KCNN1: variants seen among roughly 807,000 people sequenced by gnomAD.
The protein encoded by KCNN1 is potassium calcium-activated channel subfamily N member 1, also known as small conductance calcium-activated potassium channel protein 1.
In KCNN1, 20 loss-of-function variants were observed where a neutral mutation model predicts 44.7. That is an observed-to-expected ratio of 0.45 (90% CI 0.32 to 0.65). The LOEUF is 0.65. Ranked by LOEUF, KCNN1 falls within the 30% of genes least tolerant of loss-of-function variation. The probability of loss-of-function intolerance (pLI) is 0.05; values close to 1 mark genes in which losing one functional copy is unlikely to be tolerated. For synonymous variants in KCNN1, 324 were observed against 341.7 expected, an observed-to-expected ratio of 0.95 and a Z score of 0.57; for missense variants, 632 against 785.3, an observed-to-expected ratio of 0.80 and a Z score of 2.33.
intron 3 of KCNN1, among the ~76,000 whole-genome samples, chr19:17,979,585 C>G (rs2145940110): frequency 6.6e-6 from 1 of 152,014 alleles, no homozygotes; most frequent in South Asian, 2.1e-4. Context: ...GCCTCCAGCT[C>G]CAATATGATT....
intron 3 of KCNN1, among the ~76,000 whole-genome samples, chr19:17,980,184 C>T (rs1182755414): frequency 1.3e-5 from 2 of 148,300 alleles, no homozygotes; most frequent in Admixed American, 6.8e-5. Flanking sequence ...GTGCGTCAGC[C>T]TCTCAAGGCT....
At chr19:17,988,552 C>A in intron 6 of KCNN1, 27 bp downstream of exon 6, 1 of 1,533,454 alleles carries the variant, frequency 6.5e-7, no homozygotes, top group East Asian at 2.3e-5. Flanking sequence ...CCATGGAGGC[C>A]GCCTCCTGGC....
rs1271360123 is a variant in KCNN1 at position 17,974,924 on chromosome 19, A to G, written c.403-168A>G. ...CCTGATAAGCTGTTTCACACACAGCAGCCCCAGGACTGGGGAACTAGCAGA... is the reference window on the plus strand; with the variant it reads ...CCTGATAAGCTGTTTCACACACAGCGGCCCCAGGACTGGGGAACTAGCAGA... On this transcript the variant is annotated intron_variant, in intron 2 of 9. Transcript: ENST00000684775. This position sits in a 1 kb window ranked among gnomAD's most constrained non-coding sequence, Gnocchi z 7.3. 6.6e-6 allele frequency among the ~76,000 whole-genome samples: 1 copy of G among 152,226 alleles called. No individual in the cohort carries two copies. The highest frequency in any genetic ancestry group is 1.5e-5 in the Non-Finnish European group (1 of 68,042).
At chr19:17,981,634 G>T in intron 3 of KCNN1, 75 bp from the exon 4 acceptor site, 2 of 1,357,640 alleles carry the variant, frequency 1.5e-6, no homozygotes, top group Non-Finnish European at 2.0e-6. Context: ...TCACTCTCTG[G>T]GGGCGCGGTG....
upstream of KCNN1, among the ~76,000 whole-genome samples, chr19:17,963,740 T>G (rs559373193): frequency 5.3e-4 from 80 of 151,932 alleles, no homozygotes; most frequent in African/African-American, 1.5e-3. Context: ...TTTTTTTTTT[T>G]TGTGAGATAG....
At chr19:17,953,067 C>G (rs2031455831) in intron 1 of KCNN1, among the ~76,000 whole-genome samples, 1 of 152,144 alleles carries the variant, frequency 6.6e-6, no homozygotes, top group Admixed American at 6.5e-5. Flanking sequence ...CTTACTTTCT[C>G]CAAGTTTCTC....
At position 17,968,189 on chromosome 19, in the gene KCNN1, C is replaced by T. The variant is rs2062874832; in HGVS notation, c.-82+872C>T. On this transcript the variant is annotated intron_variant, in intron 1 of 9. Coordinates refer to ENST00000684775, the MANE Select transcript of KCNN1 (RefSeq NM_001386974.1). The stretch of plus-strand genomic sequence containing the variant: ...CGCCCGCTGGGGACCCACAACAGGC[C>T]CACATGTCCCAGAAGTTTCTGCTGT... Among the ~76,000 whole-genome samples the T allele has an allele frequency of 5.3e-5, 8 of 152,134 alleles. No homozygotes were observed. The South Asian group carries it at 1.7e-3, about 32-fold the overall frequency.
At position 17,986,575 on chromosome 19, in the gene KCNN1, C is replaced by T. The variant is rs140957823; in HGVS notation, c.1059+1122C>T. ...TTTCTCTTTTCCCTAATTCAGTCAT[C>T]GGGGTCCCTGTCCATCCCCTCTTTC... On this transcript the variant is annotated intron_variant, in intron 5 of 9. Transcript: ENST00000684775. Among the ~76,000 whole-genome samples the T allele has an allele frequency of 4.3e-3, 651 of 152,270 alleles. 7 individuals carry two copies. Among genetic ancestry groups the T allele is most frequent in the African/African-American group, 0.014 (579 of 41,562 alleles).
At chr19:17,972,867 C>G (rs2032068735) in intron 1 of KCNN1, among the ~76,000 whole-genome samples, 1 of 152,204 alleles carries the variant, frequency 6.6e-6, no homozygotes. Flanking sequence ...CAAGTGTTTC[C>G]TGAGTGTCAT....
chr19:17,998,214 C>T lies in KCNN1; in HGVS notation c.1440C>T (p.Ala480=). ...ELHAQHEELE[A]RLATLESRLD... Reference sequence around the variant, plus strand: ...ACGCTCAGCACGAGGAGCTGGAGGCCCGCCTGGCCACCCTGGAAAGCCGCT... The same window carrying T: ...ACGCTCAGCACGAGGAGCTGGAGGCTCGCCTGGCCACCCTGGAAAGCCGCT... Residue 480 remains alanine (A), a synonymous_variant, in exon 10 of 10, where the codon GCC becomes GCT. Transcript: ENST00000684775. This position sits in a 1 kb window ranked among gnomAD's most constrained non-coding sequence, Gnocchi z 5.4. 1.3e-6 allele frequency: 2 copies of T among 1,589,146 alleles called. No homozygotes were observed. The highest frequency in any genetic ancestry group is 1.7e-6 in the Non-Finnish European group (2 of 1,169,170).
intron 2 of KCNN1, among the ~76,000 whole-genome samples, chr19:17,959,996 T>A (rs1480066054): frequency 3.3e-5 from 5 of 151,342 alleles, no homozygotes; most frequent in African/African-American, 1.2e-4. Context: ...GACAGGAGAA[T>A]CACTTGAACC....
chr19:17,952,740 C>A (rs2031444750), intron 1 of KCNN1, among the ~76,000 whole-genome samples: 1 of 152,136 alleles, frequency 6.6e-6, no homozygotes, highest in Non-Finnish European at 1.5e-5. Context: ...GGCGGGGATT[C>A]CCTGTGCTGG....
At chr19:17,966,227 G>A (rs1294531383), upstream of KCNN1, among the ~76,000 whole-genome samples, 2 of 152,204 alleles carry the variant, frequency 1.3e-5, no homozygotes, top group Non-Finnish European at 2.9e-5. Context: ...GATAGGAGGT[G>A]GGATCTGCTG....
chr19:17,962,251 C>T (rs2145906095), upstream of KCNN1, among the ~76,000 whole-genome samples: 1 of 152,262 alleles, frequency 6.6e-6, no homozygotes, highest in Non-Finnish European at 1.5e-5. Context: ...GGACTCCTTG[C>T]TTATGATGGA....
rs771620320 is a variant in KCNN1, at chr19:17,998,542, G to A, written c.*136G>A. The A allele has an allele frequency of 5.6e-6, 5 of 896,456 alleles. No individual in the cohort carries two copies. Among genetic ancestry groups the A allele is most frequent in the Admixed American group, 6.5e-5 (2 of 30,670 alleles). 55.5% of individuals were successfully genotyped at this position (896,456 alleles called of 1,614,324 possible). The stretch of plus-strand genomic sequence containing the variant: ...GGCTGAGTGGACTGAGGCCTGCCCC[G>A]CCCAGACTGCCCAGGCAGAGGGCAG... On this transcript the variant is annotated 3_prime_UTR_variant, in exon 10 of 10. Coordinates refer to ENST00000684775, the MANE Select transcript of KCNN1 (RefSeq NM_001386974.1). The surrounding 1 kb of genome is among the most constrained non-coding windows in gnomAD (Gnocchi z 5.4).
At chr19:17,992,515 C>A (rs370398009) in intron 7 of KCNN1, among the ~76,000 whole-genome samples, 1 of 152,176 alleles carries the variant, frequency 6.6e-6, no homozygotes, top group African/African-American at 2.4e-5. Flanking sequence ...CCAGGAGAAT[C>A]GCTTGAACCG....
intron 1 of KCNN1, among the ~76,000 whole-genome samples, chr19:17,953,274 G>A (rs948611693): frequency 2.0e-5 from 3 of 152,184 alleles, no homozygotes; most frequent in African/African-American, 7.2e-5. Flanking sequence ...TGGAGCCACG[G>A]AGGAGATAAT....
At chr19:17,973,764 T>C (rs2032103245) in intron 1 of KCNN1, 44 bp from the exon 2 acceptor site, 1 of 1,450,906 alleles carries the variant, frequency 6.9e-7, no homozygotes, top group Admixed American at 2.7e-5. Flanking sequence ...TTCTGGTCAG[T>C]AAGCTGGACC....
chr19:17,963,063 A>C (rs1330278706), upstream of KCNN1, among the ~76,000 whole-genome samples: 2 of 133,504 alleles, frequency 1.5e-5, no homozygotes, highest in Non-Finnish European at 3.0e-5. Flanking sequence ...GCTGGAGTGC[A>C]GTGGCGCGAT....
Sources: allele counts gnomAD v4.1 joint callset (sites outside exome capture counted in the v4.1 genomes callset), GRCh38; gene constraint gnomAD v4.1.1; non-coding constraint Gnocchi (gnomAD v3.1); transcripts MANE v1.5; gene names NCBI Gene and HGNC (gene_info 2026-07-23, HGNC 2026-07-21).